Variants in KIFAP3 observed in about 807,000 individuals in gnomAD.
The protein encoded by KIFAP3 is kinesin associated protein 3, also known as kinesin-associated protein 3.
In KIFAP3, 68 loss-of-function variants were observed where a neutral mutation model predicts 106.5. That is an observed-to-expected ratio of 0.64 (90% CI 0.53 to 0.78). KIFAP3 has a LOEUF of 0.78. Among genes scored for constraint, KIFAP3 ranks in the 30% least tolerant of loss-of-function variants. The pLI is 0.00. For missense variants in KIFAP3, 780 were observed against 941.8 expected (o/e 0.83, Z 2.25); for synonymous variants, 320 against 311.5 (o/e 1.03, Z -0.29).
Position 170,034,884 on chromosome 1 carries a change from G to T in KIFAP3, c.618-388C>A, listed in dbSNP as rs1669599116. ...AGAATTCGTAAAGTACTAGTAATCAGGTTTTACATATGTTTTCTAGACAAT... is the reference window on the plus strand; with the variant it reads ...AGAATTCGTAAAGTACTAGTAATCATGTTTTACATATGTTTTCTAGACAAT... On this transcript the variant is annotated intron_variant, in intron 6 of 19. Coordinates refer to ENST00000361580, the MANE Select transcript of KIFAP3 (RefSeq NM_014970.4). Among the ~76,000 whole-genome samples the T allele has an allele frequency of 2.6e-5, 4 of 151,830 alleles. No homozygotes were observed. In the South Asian group the frequency reaches 8.3e-4, roughly 32 times the overall value.
intron 19 of KIFAP3, among the ~76,000 whole-genome samples, chr1:169,933,684 C>T (rs1663623689): frequency 6.6e-6 from 1 of 152,004 alleles, no homozygotes; most frequent in South Asian, 2.1e-4. Flanking sequence ...TTAAATCAGC[C>T]TAAGGAAACA....
chr1:170,039,316 A>C lies in KIFAP3; in HGVS notation c.320-28T>G, dbSNP rs775229577. On this transcript the variant is annotated intron_variant, in intron 3 of 19. Transcript: ENST00000361580. ...GTAAAAAGATTTTTTTTTAATAAGG[A>C]GACTTAGGTTTTTAGGGTTTCTAGG... 4.4e-6 allele frequency: 6 copies of C among 1,359,990 alleles called. No homozygotes were observed. The African/African-American group carries it at 8.6e-5, about 20-fold the overall frequency. 84.2% of individuals were successfully genotyped at this position (1,359,990 alleles called of 1,614,324 possible).
chr1:170,055,510 G>A, intron 1 of KIFAP3, 74 bp from the exon 2 acceptor site: 1 of 1,220,806 alleles, frequency 8.2e-7, no homozygotes, highest in Non-Finnish European at 1.1e-6. Flanking sequence ...CTATTTTTAG[G>A]TCTATAACGT....
At chr1:169,975,175 G>A (rs1329516675) in intron 16 of KIFAP3, among the ~76,000 whole-genome samples, 1 of 151,996 alleles carries the variant, frequency 6.6e-6, no homozygotes, top group Non-Finnish European at 1.5e-5. Context: ...CCCAAATAAG[G>A]AGGGCCAACT....
At chr1:170,083,372 C>T (rs1672049624) in intron 1 of KIFAP3, among the ~76,000 whole-genome samples, 1 of 152,128 alleles carries the variant, frequency 6.6e-6, no homozygotes, top group Non-Finnish European at 1.5e-5. Context: ...AGTGAAGAAA[C>T]CAATCTCATT....
At chr1:169,940,965 C>T (rs982752540) in intron 19 of KIFAP3, among the ~76,000 whole-genome samples, 8 of 149,176 alleles carry the variant, frequency 5.4e-5, no homozygotes, top group African/African-American at 1.7e-4. Context: ...TTAAAGACAA[C>T]AAAAACTGAA....
At chr1:169,997,309 T>C (rs980385917) in intron 10 of KIFAP3, among the ~76,000 whole-genome samples, 2 of 152,198 alleles carry the variant, frequency 1.3e-5, no homozygotes, top group Non-Finnish European at 2.9e-5. Flanking sequence ...AAGTTTGACA[T>C]ACAATAAATC....
intron 19 of KIFAP3, among the ~76,000 whole-genome samples, chr1:169,930,295 T>C (rs1663392830): frequency 6.6e-6 from 1 of 152,248 alleles, no homozygotes; most frequent in African/African-American, 2.4e-5. Context: ...TCGTGTACTG[T>C]CATGTACTTT....
intron 4 of KIFAP3, 84 bp from the exon 5 acceptor site, chr1:170,038,515 T>G (rs1669804879): frequency 2.9e-6 from 4 of 1,357,216 alleles, no homozygotes; most frequent in African/African-American, 1.5e-5. Flanking sequence ...ATCAATATAC[T>G]GGCCTTTATA....
chr1:170,046,726 G>A lies in KIFAP3; in HGVS notation c.305C>T (p.Ser102Leu). The A allele has an allele frequency of 6.4e-7, 1 of 1,554,290 alleles. No individual in the cohort carries two copies. The highest frequency in any genetic ancestry group is 8.7e-7 in the Non-Finnish European group (1 of 1,149,098). Residue 102 changes from serine to leucine, a missense_variant, in exon 3 of 20, where the codon TCA becomes TTA. Ser to Leu is a moderately radical substitution (Grantham distance 145). Coordinates refer to ENST00000361580, the MANE Select transcript of KIFAP3 (RefSeq NM_014970.4). ...LLYYLQNRRD[S>L]LSGKEKKEKS... The stretch of plus-strand genomic sequence containing the variant: ...CTACTACTTACCTTTTCCTGACAAT[G>A]AATCACGGCGGTTCTGTAGATAGTA...
intron 2 of KIFAP3, among the ~76,000 whole-genome samples, chr1:170,053,787 C>T (rs1670700225): frequency 6.6e-6 from 1 of 152,108 alleles, no homozygotes; most frequent in African/African-American, 2.4e-5. Context: ...ACTGGTTAGC[C>T]ATTTGTAGAA....
chr1:170,065,613 CAAAAAAA>C (rs71125225), intron 1 of KIFAP3, among the ~76,000 whole-genome samples: 3 of 49,898 alleles, frequency 6.0e-5, no homozygotes, highest in Non-Finnish European at 1.1e-4. Context: ...GACTCCACCT[CAAAAAAA>C]AAAAAAAAAA....
intron 1 of KIFAP3, among the ~76,000 whole-genome samples, chr1:170,066,512 G>T (rs939781902): frequency 6.6e-6 from 1 of 152,052 alleles, no homozygotes; most frequent in African/African-American, 2.4e-5. Context: ...GGCCATAAGA[G>T]AACTAAAAAG....
At chr1:169,973,311 AG>A (rs1666033083) in intron 16 of KIFAP3, among the ~76,000 whole-genome samples, 1 of 149,790 alleles carries the variant, frequency 6.7e-6, no homozygotes, top group Admixed American at 6.7e-5. Flanking sequence ...ATAAGTGAAA[AG>A]AGATAAAAAG....
intron 10 of KIFAP3, among the ~76,000 whole-genome samples, chr1:170,009,307 C>T (rs1202282743): frequency 6.6e-6 from 1 of 151,862 alleles, no homozygotes. Context: ...TGGAACATTA[C>T]TTAATTTAAA....
At chr1:170,000,815 C>G (rs1473736548) in intron 10 of KIFAP3, among the ~76,000 whole-genome samples, 1 of 152,052 alleles carries the variant, frequency 6.6e-6, no homozygotes, top group Admixed American at 6.6e-5. Flanking sequence ...TAAAAACCAA[C>G]AGTTGTTAAC....
intron 4 of KIFAP3, among the ~76,000 whole-genome samples, chr1:170,038,849 C>G (rs1181884361): frequency 6.6e-6 from 1 of 152,176 alleles, no homozygotes; most frequent in African/African-American, 2.4e-5. Flanking sequence ...CTTTGGGAGG[C>G]TGAGATGGGC....
At chr1:170,011,134 G>T (rs1668223184) in intron 10 of KIFAP3, among the ~76,000 whole-genome samples, 1 of 151,858 alleles carries the variant, frequency 6.6e-6, no homozygotes, top group African/African-American at 2.4e-5. Context: ...TTCTGCCATT[G>T]AATTTCTTTA....
chr1:169,992,260 G>A lies in KIFAP3; in HGVS notation c.1184-5C>T. The A allele has an allele frequency of 1.3e-6, 2 of 1,491,822 alleles. No individual in the cohort carries two copies. The highest frequency in any genetic ancestry group is 1.8e-6 in the Non-Finnish European group (2 of 1,097,152). The allele number at this position is 1,491,822 out of a possible 1,614,324, so 92.4% of individuals were successfully genotyped here. A position where few individuals can be genotyped will look rare whatever the true frequency, so the allele number is the denominator to read the frequency against. ...TTTGTTTGTAGTTGTCATTGCCTAGGAATAAAACATCATGGTGATGATGCT... is the reference window on the plus strand; with the variant it reads ...TTTGTTTGTAGTTGTCATTGCCTAGAAATAAAACATCATGGTGATGATGCT... On this transcript the variant is annotated splice_polypyrimidine_tract_variant and splice_region_variant and intron_variant, in intron 10 of 19. Coordinates refer to ENST00000361580, the MANE Select transcript of KIFAP3 (RefSeq NM_014970.4).
Sources: gnomAD v4.1 joint callset for allele counts (sites outside exome capture counted in the v4.1 genomes callset) on GRCh38, gnomAD v4.1.1 for gene constraint, MANE v1.5 for transcripts, NCBI Gene and HGNC (gene_info 2026-07-23, HGNC 2026-07-21) for gene names.